CYP4X1: variants seen among roughly 807,000 people sequenced by gnomAD.
CYP4X1 encodes cytochrome P450 family 4 subfamily X member 1, also known as cytochrome P450 4X1.
Under a neutral mutation model 57.9 loss-of-function variants are expected in CYP4X1, and 44 were observed. That is an observed-to-expected ratio of 0.76 (90% CI 0.60 to 0.98). The LOEUF (loss-of-function observed/expected upper bound fraction) is 0.98. Among genes scored for constraint, CYP4X1 ranks in the 50% least tolerant of loss-of-function variants. The probability of loss-of-function intolerance (pLI) is 0.00; values close to 1 mark genes in which losing one functional copy is unlikely to be tolerated. For missense variants in CYP4X1, 532 were observed against 623.9 expected (o/e 0.85, Z 1.57); for synonymous variants, 227 against 228.6 (o/e 0.99, Z 0.06).
chr1:46,970,054 G>A, the CYP4X1 span, among the ~76,000 whole-genome samples: 15 of 152,118 alleles, frequency 9.9e-5, no homozygotes, highest in South Asian at 3.1e-3. Context: ...TCTAAACATA[G>A]GCAAAGACTT....
chr1:47,020,997 C>T (rs1182022610), upstream of CYP4X1, among the ~76,000 whole-genome samples: 3 of 151,846 alleles, frequency 2.0e-5, no homozygotes, highest in Admixed American at 6.6e-5. Flanking sequence ...TTGGGAGAGG[C>T]ACAGGCCTCC....
At chr1:46,985,057 T>C in the CYP4X1 span, among the ~76,000 whole-genome samples, 1 of 152,116 alleles carries the variant, frequency 6.6e-6, no homozygotes, top group Non-Finnish European at 1.5e-5. Context: ...CTTGAGTAGG[T>C]GGTTTTCCCC....
chr1:46,961,843 C>A, the CYP4X1 span: 3 of 1,165,130 alleles, frequency 2.6e-6, no homozygotes, highest in African/African-American at 1.6e-5. Flanking sequence ...AGTTGGTTAT[C>A]CCATCAAACA....
the CYP4X1 span, among the ~76,000 whole-genome samples, chr1:47,010,667 G>A: frequency 7.9e-5 from 12 of 152,270 alleles, no homozygotes; most frequent in Non-Finnish European, 1.3e-4. Context: ...AAACCCCATC[G>A]TCTCAGCCCA....
At chr1:47,048,667 T>G (rs1193212241) in intron 10 of CYP4X1, 38 bp downstream of exon 10, 3 of 1,577,892 alleles carry the variant, frequency 1.9e-6, no homozygotes, top group South Asian at 2.4e-5. Context: ...TTCCAAGAAC[T>G]AATGCTGTGC....
At chr1:47,014,652 C>T in the CYP4X1 span, among the ~76,000 whole-genome samples, 1 of 152,150 alleles carries the variant, frequency 6.6e-6, no homozygotes, top group Non-Finnish European at 1.5e-5. Context: ...TGTAACTCAT[C>T]ATTCATCTTT....
At chr1:47,051,146 G>A (rs374891028), downstream of CYP4X1, among the ~76,000 whole-genome samples, 14 of 152,224 alleles carry the variant, frequency 9.2e-5, no homozygotes, top group South Asian at 2.3e-3. Context: ...ATCGTCACTG[G>A]CCATCAGAGA....
intron 2 of CYP4X1, among the ~76,000 whole-genome samples, 157 bp from the exon 3 acceptor site, chr1:47,031,279 T>C (rs1270138202): frequency 1.3e-5 from 2 of 152,216 alleles, no homozygotes; most frequent in African/African-American, 4.8e-5. Context: ...CACAAGTCTT[T>C]CCCCAGGCTG....
At chr1:47,045,618 TACCC>T (rs1285272202) in intron 8 of CYP4X1, among the ~76,000 whole-genome samples, 1 of 152,168 alleles carries the variant, frequency 6.6e-6, no homozygotes, top group South Asian at 2.1e-4. Flanking sequence ...AGCTCCCCAA[TACCC>T]AGTAGCTGCT....
At chr1:46,989,748 A>G in the CYP4X1 span, among the ~76,000 whole-genome samples, 2 of 152,352 alleles carry the variant, frequency 1.3e-5, no homozygotes, top group South Asian at 2.1e-4. Context: ...ATAACACCAC[A>G]TATCTACAAC....
intron 8 of CYP4X1, among the ~76,000 whole-genome samples, chr1:47,044,802 T>C (rs1031999141): frequency 6.6e-6 from 1 of 151,980 alleles, no homozygotes; most frequent in Non-Finnish European, 1.5e-5. Flanking sequence ...TTATGCAAAG[T>C]GCCAGGGTAA....
At chr1:47,026,555 G>A (rs1644067325) in intron 1 of CYP4X1, among the ~76,000 whole-genome samples, 1 of 152,078 alleles carries the variant, frequency 6.6e-6, no homozygotes, top group African/African-American at 2.4e-5. Flanking sequence ...TTTAGACTCA[G>A]CCTATCAATT....
chr1:47,046,932 T>C (rs1396657920), intron 9 of CYP4X1, among the ~76,000 whole-genome samples: 2 of 152,196 alleles, frequency 1.3e-5, no homozygotes, highest in Non-Finnish European at 2.9e-5. Flanking sequence ...TGAAACTTCA[T>C]GGAAAATAGC....
At chr1:47,017,920 A>T in the CYP4X1 span, among the ~76,000 whole-genome samples, 1 of 152,318 alleles carries the variant, frequency 6.6e-6, no homozygotes, top group African/African-American at 2.4e-5. Flanking sequence ...AGGCTGTGTC[A>T]TGGGTGCGCA....
At chr1:47,015,267 T>A in the CYP4X1 span, among the ~76,000 whole-genome samples, 1 of 152,192 alleles carries the variant, frequency 6.6e-6, no homozygotes, top group Non-Finnish European at 1.5e-5. Context: ...TTGTCTTACC[T>A]CCAGGATGTT....
At chr1:47,012,381 G>A in the CYP4X1 span, among the ~76,000 whole-genome samples, 1 of 152,212 alleles carries the variant, frequency 6.6e-6, no homozygotes, top group South Asian at 2.1e-4. Context: ...ACACAGGGTG[G>A]GGAACATCGC....
chr1:47,011,753 C>T, the CYP4X1 span, among the ~76,000 whole-genome samples: 22 of 152,130 alleles, frequency 1.4e-4, no homozygotes, highest in Non-Finnish European at 2.8e-4. Flanking sequence ...ACAAAGGATA[C>T]GAACAGACAC....
chr1:46,976,118 G>C, the CYP4X1 span, among the ~76,000 whole-genome samples: 1 of 152,068 alleles, frequency 6.6e-6, no homozygotes. Flanking sequence ...GCAGCCCATG[G>C]AGGGCAAGCC....
the CYP4X1 span, among the ~76,000 whole-genome samples, chr1:46,991,922 C>T: frequency 6.6e-6 from 1 of 152,182 alleles, no homozygotes. Context: ...ATGAAATGAG[C>T]TGGCTTTACA....
Sources: gnomAD v4.1 joint callset for allele counts (sites outside exome capture counted in the v4.1 genomes callset) on GRCh38, gnomAD v4.1.1 for gene constraint, MANE v1.5 for transcripts, NCBI Gene and HGNC (gene_info 2026-07-23, HGNC 2026-07-21) for gene names.